The following NMNAT2 variants were observed in gnomAD, a reference collection of about 807,000 sequenced individuals.
NMNAT2 encodes the protein nicotinamide/nicotinic acid mononucleotide adenylyltransferase 2.
A neutral mutation model predicts 41.6 loss-of-function variants in NMNAT2; 11 were observed. The observed-to-expected ratio is 0.26, with a 90% CI of 0.17 to 0.44. The LOEUF (loss-of-function observed/expected upper bound fraction) is 0.44, where lower values mean the gene tolerates loss of function less well. NMNAT2 is among the 20% of genes least tolerant of loss of function. The probability of loss-of-function intolerance (pLI) is 1.00; values close to 1 mark genes in which losing one functional copy is unlikely to be tolerated. For missense variants in NMNAT2, 288 were observed against 407.7 expected (o/e 0.71, Z 2.53); for synonymous variants, 148 against 151.2 (o/e 0.98, Z 0.16).
chr1:183,338,827 G>A (rs1557882620), intron 1 of NMNAT2, among the ~76,000 whole-genome samples: 1 of 152,160 alleles, frequency 6.6e-6, no homozygotes, highest in Non-Finnish European at 1.5e-5. Flanking sequence ...GCTGGCTTGG[G>A]GAAGAGAAAG....
rs1660416836 is a variant in NMNAT2 at position 183,252,528 on chromosome 1, A to G, written c.*113T>C. On this transcript the variant is annotated 3_prime_UTR_variant, in exon 11 of 11. Transcript: ENST00000287713. ...CCCCCACACTATGGGGGGTTAAGTCAGCAAGTAGGGAAAACAGTCAAGACG... is the reference window on the plus strand; with the variant it reads ...CCCCCACACTATGGGGGGTTAAGTCGGCAAGTAGGGAAAACAGTCAAGACG... The G allele has an allele frequency of 1.2e-6, 1 of 813,442 alleles. No individual in the cohort carries two copies. Among genetic ancestry groups the G allele is most frequent in the Admixed American group, 1.7e-5 (1 of 57,256 alleles). The allele number at this position is 813,442 out of a possible 1,614,324, so 50.4% of individuals were successfully genotyped here.
intron 1 of NMNAT2, among the ~76,000 whole-genome samples, chr1:183,297,978 A>G (rs1661747993): frequency 1.3e-5 from 2 of 152,234 alleles, no homozygotes; most frequent in Admixed American, 6.5e-5. Context: ...ATTGATGCAG[A>G]AAAAGCGTTT....
intron 1 of NMNAT2, among the ~76,000 whole-genome samples, chr1:183,367,425 T>C (rs1380669474): frequency 1.3e-5 from 2 of 152,174 alleles, no homozygotes; most frequent in East Asian, 1.9e-4. Context: ...GCCATTGTAC[T>C]CCAGCCTGGG....
In NMNAT2 at chr1:183,283,491, TGG is replaced by T. The variant is rs1661319931; in HGVS notation, c.574+502_574+503del. On this transcript the variant is annotated intron_variant, in intron 7 of 10. Coordinates refer to ENST00000287713, the MANE Select transcript of NMNAT2 (RefSeq NM_015039.4). ...GCCCTCCACCGGCTCGGGCCTGCCC[TGG>T]CCTGCTCTGGTATTGGGTTGGGCAG... is the stretch of plus-strand genomic sequence containing the variant. 34 of 178,332 alleles carry T rather than the reference TGG, an allele frequency of 1.9e-4. 1 individual carries two copies. In the South Asian group the frequency reaches 3.7e-3, roughly 19 times the overall value. 11.0% of individuals were successfully genotyped at this position (178,332 alleles called of 1,614,324 possible). A position where few individuals can be genotyped will look rare whatever the true frequency, so the allele number is the denominator to read the frequency against.
chr1:183,392,456 C>T (rs1648511659), intron 1 of NMNAT2, among the ~76,000 whole-genome samples: 1 of 152,240 alleles, frequency 6.6e-6, no homozygotes, highest in Non-Finnish European at 1.5e-5. Flanking sequence ...TTCTCAACCC[C>T]TATGGTTCTC....
intron 5 of NMNAT2, among the ~76,000 whole-genome samples, chr1:183,286,395 C>T (rs923058462): frequency 2.0e-5 from 3 of 152,058 alleles, no homozygotes; most frequent in Admixed American, 6.6e-5. Flanking sequence ...CCCGGCCCTA[C>T]GTTTATATTT....
chr1:183,368,504 A>G (rs967816365), intron 1 of NMNAT2, among the ~76,000 whole-genome samples: 1 of 152,150 alleles, frequency 6.6e-6, no homozygotes, highest in East Asian at 1.9e-4. Flanking sequence ...GTTTGGGGAG[A>G]ATTACATAAA....
At chr1:183,267,034 G>A in intron 8 of NMNAT2, 1 of 164,254 alleles carries the variant, frequency 6.1e-6, no homozygotes, top group Non-Finnish European at 1.3e-5. Context: ...AGGGGGCAGA[G>A]GAGTTGTTGT....
intron 1 of NMNAT2, among the ~76,000 whole-genome samples, chr1:183,356,473 C>CAT (rs1184449128): frequency 3.3e-5 from 5 of 152,214 alleles, no homozygotes; most frequent in African/African-American, 1.2e-4. Flanking sequence ...GGGTAGTTTG[C>CAT]ATATACCTGC....
At chr1:183,284,087 G>T in intron 6 of NMNAT2, 48 bp from the exon 7 acceptor site, 1 of 1,528,638 alleles carries the variant, frequency 6.5e-7, no homozygotes, top group Non-Finnish European at 8.9e-7. Flanking sequence ...AGGCTTCCTG[G>T]TACCCAACAC....
chr1:183,395,171 A>G (rs1234753258), intron 1 of NMNAT2, among the ~76,000 whole-genome samples: 2 of 152,174 alleles, frequency 1.3e-5, no homozygotes, highest in Non-Finnish European at 2.9e-5. Flanking sequence ...CCATATGTGA[A>G]AGGATAGGCT....
intron 10 of NMNAT2, among the ~76,000 whole-genome samples, chr1:183,259,091 G>T (rs1437190978): frequency 1.3e-5 from 2 of 152,188 alleles, no homozygotes; most frequent in Non-Finnish European, 2.9e-5. Flanking sequence ...TTGCAAGCTA[G>T]GTCCCTAAGT....
chr1:183,360,663 TG>T (rs1054783437), intron 1 of NMNAT2, among the ~76,000 whole-genome samples: 13 of 152,102 alleles, frequency 8.5e-5, no homozygotes, highest in African/African-American at 2.9e-4. Flanking sequence ...TTCCCCATAA[TG>T]GAAAACAGGC....
chr1:183,380,955 G>T (rs528238542), intron 1 of NMNAT2, among the ~76,000 whole-genome samples: 197 of 152,284 alleles, frequency 1.3e-3, no homozygotes, highest in African/African-American at 4.6e-3. Context: ...GTTTTAGAAA[G>T]GTCGATCTAG....
At chr1:183,336,037 C>T (rs1033511733) in intron 1 of NMNAT2, among the ~76,000 whole-genome samples, 2 of 152,190 alleles carry the variant, frequency 1.3e-5, no homozygotes, top group South Asian at 2.1e-4. Flanking sequence ...AAATTCTTCC[C>T]TAAATGTGTG....
intron 1 of NMNAT2, among the ~76,000 whole-genome samples, chr1:183,390,027 G>A (rs1257178317): frequency 6.6e-6 from 1 of 151,976 alleles, no homozygotes; most frequent in East Asian, 1.9e-4. Context: ...AGCTCATCAC[G>A]ATATAGAACA....
rs1446890267 is a variant in NMNAT2 at position 183,290,174 on chromosome 1, C to T, written c.275G>A (p.Trp92Ter). The change falls in exon 4 of 11, where the codon TGG becomes TAG. Residue 92 changes from tryptophan to a stop codon, truncating the protein, a stop_gained. Transcript: ENST00000287713. LOFTEE classifies it high-confidence loss of function. The part of the protein sequence containing the change: ...VDPWECYQDT[W>*]QTTCSVLEHH... ...TTCCAACACGCTGCAGGTCGTCTGC[C>T]AGGTGTCCTGGTAGCACTCCCAAGG... 6.3e-7 allele frequency: 1 copy of T among 1,587,884 alleles called. No homozygotes were observed. The highest frequency in any genetic ancestry group is 8.6e-7 in the Non-Finnish European group (1 of 1,165,814).
At chr1:183,346,358 T>C (rs934260434) in intron 1 of NMNAT2, among the ~76,000 whole-genome samples, 2 of 152,202 alleles carry the variant, frequency 1.3e-5, no homozygotes, top group East Asian at 3.8e-4. Context: ...ACCAACATGT[T>C]GTCATCCCCA....
chr1:183,278,651 T>C, intron 7 of NMNAT2, 22 bp from the exon 8 acceptor site: 1 of 1,583,526 alleles, frequency 6.3e-7, no homozygotes, highest in Non-Finnish European at 8.7e-7. Flanking sequence ...GAGCAAAGTT[T>C]GCAAAGGGAG....
Sources: allele counts gnomAD v4.1 joint callset (sites outside exome capture counted in the v4.1 genomes callset), GRCh38; gene constraint gnomAD v4.1.1; transcripts MANE v1.5; gene names NCBI Gene and HGNC (gene_info 2026-07-23, HGNC 2026-07-21).